Variants in LHPP observed in about 807,000 individuals in gnomAD.
LHPP encodes the protein phospholysine phosphohistidine inorganic pyrophosphate phosphatase, also known as hLHPP.
LHPP carries 24 observed loss-of-function variants against 30.3 expected under a neutral mutation model. The observed-to-expected ratio is 0.79, with a 90% CI of 0.57 to 1.11. The LOEUF (loss-of-function observed/expected upper bound fraction) is 1.11. Among genes scored for constraint, LHPP ranks in the 50% most tolerant of loss-of-function variants. The pLI, the probability that LHPP is intolerant of heterozygous loss-of-function variation, is 0.00. For synonymous variants in LHPP, 150 were observed against 157.1 expected (o/e 0.95, Z 0.34); for missense variants, 356 against 367.2 (o/e 0.97, Z 0.25).
At chr10:124,484,062 G>A in intron 1 of LHPP, 77 bp from the exon 2 acceptor site, 1 of 1,423,310 alleles carries the variant, frequency 7.0e-7, no homozygotes, top group Non-Finnish European at 9.7e-7. Flanking sequence ...TGCCCTTCGA[G>A]AATCACCGCG....
intron 1 of LHPP, among the ~76,000 whole-genome samples, chr10:124,474,765 G>C (rs934715102): frequency 6.6e-6 from 1 of 152,136 alleles, no homozygotes; most frequent in Non-Finnish European, 1.5e-5. Context: ...GGAGGAGCCA[G>C]TCACCGGGCG....
At chr10:124,603,050 T>C (rs1177304474) in intron 6 of LHPP, among the ~76,000 whole-genome samples, 1 of 97,932 alleles carries the variant, frequency 1.0e-5, no homozygotes, top group Non-Finnish European at 2.3e-5. Flanking sequence ...GGAGGGGTAC[T>C]GGGGCTGGGC....
chr10:124,612,131 C>T (rs908037480), intron 6 of LHPP, among the ~76,000 whole-genome samples: 3 of 152,148 alleles, frequency 2.0e-5, no homozygotes, highest in Non-Finnish European at 2.9e-5. Context: ...GGGCCGGGCA[C>T]GGTGGCTCAC....
intron 6 of LHPP, among the ~76,000 whole-genome samples, chr10:124,531,019 C>T (rs1265310065): frequency 3.9e-5 from 6 of 152,178 alleles, no homozygotes; most frequent in Admixed American, 2.6e-4. Flanking sequence ...AGGCCAGGTC[C>T]CTGGGATGAG....
At chr10:124,601,799 C>T (rs987680844) in intron 6 of LHPP, among the ~76,000 whole-genome samples, 18 of 152,252 alleles carry the variant, frequency 1.2e-4, no homozygotes, top group Non-Finnish European at 2.5e-4. Context: ...GGCTGGCACA[C>T]GCCCTTGCCT....
chr10:124,572,388 T>C (rs1167707169), intron 6 of LHPP, among the ~76,000 whole-genome samples: 2 of 151,744 alleles, frequency 1.3e-5, no homozygotes, highest in Admixed American at 6.6e-5. Flanking sequence ...CCCAGCACTT[T>C]GGGAGGCCGA....
At chr10:124,492,076 G>A (rs893129534) in intron 3 of LHPP, among the ~76,000 whole-genome samples, 4 of 152,154 alleles carry the variant, frequency 2.6e-5, no homozygotes, top group Non-Finnish European at 5.9e-5. Context: ...AGCAGCCATA[G>A]CTGGAGCCAC....
rs386748546 is a variant in LHPP, at chr10:124,516,616, AGG to A, written c.625-563_625-562del. 2.0e-3 allele frequency among the ~76,000 whole-genome samples: 308 copies of A among 152,258 alleles called. 4 individuals carry two copies. The highest frequency in any genetic ancestry group is 6.7e-3 in the African/African-American group (280 of 41,536). The stretch of plus-strand genomic sequence containing the variant: ...CATAATTTGGTTTTCTGGTTTTTTC[AGG>A]TGAGAGAGTTTATCCCAGAGGCTAG... On this transcript the variant is annotated intron_variant, in intron 5 of 6. Coordinates refer to ENST00000368842, the MANE Select transcript of LHPP (RefSeq NM_022126.4).
chr10:124,557,990 G>A (rs541195534), intron 6 of LHPP, among the ~76,000 whole-genome samples: 30 of 152,150 alleles, frequency 2.0e-4, no homozygotes, highest in African/African-American at 4.8e-4. Context: ...GTGACACTGC[G>A]CATGGTCACA....
intron 6 of LHPP, among the ~76,000 whole-genome samples, chr10:124,558,339 C>T (rs1050234322): frequency 1.3e-5 from 2 of 152,206 alleles, no homozygotes; most frequent in Admixed American, 6.5e-5. Context: ...CCACGAGCCG[C>T]GTGTTGCTAT....
rs1258648804 is a variant in LHPP at position 124,590,270 on chromosome 10, A to G, written c.717-22994A>G. 1.3e-5 allele frequency among the ~76,000 whole-genome samples: 2 copies of G among 152,036 alleles called. No individual in the cohort carries two copies. The highest frequency in any genetic ancestry group is 4.8e-5 in the African/African-American group (2 of 41,404). ...CACTGGCTTTGGTTGAGGTCTGCAA[A>G]GGAAAGCACCCCCACTGCCAGGCTG... On this transcript the variant is annotated intron_variant, in intron 6 of 6. Coordinates refer to ENST00000368842, the MANE Select transcript of LHPP (RefSeq NM_022126.4). The surrounding 1 kb of genome is among the most constrained non-coding windows in gnomAD (Gnocchi z 4.3).
intron 2 of LHPP, among the ~76,000 whole-genome samples, chr10:124,487,583 C>T (rs1953376617): frequency 6.6e-6 from 1 of 151,950 alleles, no homozygotes; most frequent in African/African-American, 2.4e-5. Context: ...GCTGAGATTA[C>T]AGGCGGCCGC....
At chr10:124,554,941 T>G (rs1948268933) in intron 6 of LHPP, among the ~76,000 whole-genome samples, 2 of 152,244 alleles carry the variant, frequency 1.3e-5, no homozygotes, top group African/African-American at 4.8e-5. Context: ...TCTTAGCCTC[T>G]GGGCTAAACA....
intron 6 of LHPP, among the ~76,000 whole-genome samples, chr10:124,552,424 C>G (rs556867084): frequency 1.1e-4 from 17 of 152,226 alleles, no homozygotes; most frequent in African/African-American, 3.9e-4. Context: ...ATACTGGAAT[C>G]CCCCACAGCA....
chr10:124,514,181 G>A (rs1954388866), intron 5 of LHPP, among the ~76,000 whole-genome samples: 3 of 152,196 alleles, frequency 2.0e-5, no homozygotes, highest in African/African-American at 4.8e-5. Context: ...ACCCAGCCTG[G>A]GGGCAGAGGA....
rs892265689 is a variant in LHPP, at chr10:124,590,958, G to A, written c.717-22306G>A. Among the ~76,000 whole-genome samples the A allele has an allele frequency of 3.9e-5, 6 of 152,172 alleles. No homozygotes were observed. The highest frequency in any genetic ancestry group is 2.9e-5 in the Non-Finnish European group (2 of 68,034). Reference sequence around the variant, plus strand: ...CCCTGTCTCAGACAGAAGCAGTCTCGCCCATCCTGGGGCCTGAGAGCATCA... The same window carrying A: ...CCCTGTCTCAGACAGAAGCAGTCTCACCCATCCTGGGGCCTGAGAGCATCA... On this transcript the variant is annotated intron_variant, in intron 6 of 6. Transcript: ENST00000368842. This position sits in a 1 kb window ranked among gnomAD's most constrained non-coding sequence, Gnocchi z 4.3.
chr10:124,582,095 A>T (rs565251086), intron 6 of LHPP, among the ~76,000 whole-genome samples: 48 of 116,474 alleles, frequency 4.1e-4, no homozygotes, highest in Admixed American at 2.0e-3. Flanking sequence ...TTATATATAT[A>T]TTTTTTAAAG....
At chr10:124,475,124 G>C (rs1952902060) in intron 1 of LHPP, among the ~76,000 whole-genome samples, 1 of 145,030 alleles carries the variant, frequency 6.9e-6, no homozygotes, top group Non-Finnish European at 1.5e-5. Context: ...CCAGGTTCTA[G>C]TGATTCTCCT....
At chr10:124,468,043 CCCAGACCCCTA>C (rs1952611467) in intron 1 of LHPP, among the ~76,000 whole-genome samples, 1 of 152,144 alleles carries the variant, frequency 6.6e-6, no homozygotes, top group Admixed American at 6.5e-5. Context: ...GTCTGCCCAA[CCCAGACCCCTA>C]CTTGGAATCC....
Sources: allele counts gnomAD v4.1 joint callset (sites outside exome capture counted in the v4.1 genomes callset), GRCh38; gene constraint gnomAD v4.1.1; non-coding constraint Gnocchi (gnomAD v3.1); transcripts MANE v1.5; gene names NCBI Gene and HGNC (gene_info 2026-07-23, HGNC 2026-07-21).